Variants in TMEM150B observed in about 807,000 individuals in gnomAD.
TMEM150B encodes modulator of macroautophagy TMEM150B.
TMEM150B carries 33 observed loss-of-function variants against 25.2 expected under a neutral mutation model. That is an observed-to-expected ratio of 1.31 (90% CI 0.99 to 1.75). TMEM150B has a LOEUF of 1.75. Ranked by LOEUF, TMEM150B falls within the 40% of genes most tolerant of loss-of-function variation. The pLI, the probability that TMEM150B is intolerant of heterozygous loss-of-function variation, is 0.00. For synonymous variants in TMEM150B, 133 were observed against 134.8 expected, an observed-to-expected ratio of 0.99 and a Z score of 0.09; for missense variants, 322 against 306.1, an observed-to-expected ratio of 1.05 and a Z score of -0.39.
intron 3 of TMEM150B, 31 bp from the exon 4 acceptor site, chr19:55,320,648 T>C: frequency 1.9e-6 from 3 of 1,598,204 alleles, no homozygotes; most frequent in Non-Finnish European, 2.6e-6. Flanking sequence ...AGTGGGCGAC[T>C]CTCACCAACA....
intron 1 of TMEM150B, among the ~76,000 whole-genome samples, chr19:55,323,988 G>C (rs1183624908): frequency 1.4e-5 from 2 of 140,902 alleles, no homozygotes; most frequent in Non-Finnish European, 3.1e-5. Flanking sequence ...TGCATTTTTT[G>C]ATAAAGACAG....
Position 55,324,118 on chromosome 19 carries a change from A to AT in TMEM150B, c.-154+1153dup, listed in dbSNP as rs531345087. Among the ~76,000 whole-genome samples, 11 of 151,892 alleles carry AT rather than the reference A, an allele frequency of 7.2e-5. No homozygotes were observed. In the South Asian group the frequency reaches 2.3e-3, roughly 32 times the overall value. ...CCATCGCGCCCAACCCGTCTGGTGT[A>AT]TTTTATGCTCAGTGTAATGTTTTTG... On this transcript the variant is annotated intron_variant, in intron 1 of 7. Coordinates refer to ENST00000326652, the MANE Select transcript of TMEM150B (RefSeq NM_001282011.2).
At chr19:55,319,857 C>A in intron 6 of TMEM150B, 182 bp downstream of exon 6, 1 of 1,429,798 alleles carries the variant, frequency 7.0e-7, no homozygotes, top group Non-Finnish European at 9.1e-7. Context: ...CTCGTAGTGC[C>A]CCACTCAGAG....
chr19:55,325,217 G>A, intron 1 of TMEM150B, 55 bp downstream of exon 1: 1 of 949,520 alleles, frequency 1.1e-6, no homozygotes, highest in Non-Finnish European at 1.3e-6. Flanking sequence ...GAGGACAGGG[G>A]ACAGGGCTCC....
At chr19:55,319,857 C>G in intron 6 of TMEM150B, 182 bp downstream of exon 6, 2 of 1,429,800 alleles carry the variant, frequency 1.4e-6, no homozygotes, top group Non-Finnish European at 1.8e-6. Flanking sequence ...CTCGTAGTGC[C>G]CCACTCAGAG....
At chr19:55,317,935 G>A (rs554826400) in intron 6 of TMEM150B, among the ~76,000 whole-genome samples, 43 of 151,172 alleles carry the variant, frequency 2.8e-4, no homozygotes, top group South Asian at 4.2e-4. Flanking sequence ...CCTGGGCAAC[G>A]GAGCAAGATC....
intron 3 of TMEM150B, 110 bp downstream of exon 3, chr19:55,320,859 C>T: frequency 7.3e-7 from 1 of 1,372,306 alleles, no homozygotes; most frequent in East Asian, 2.5e-5. Context: ...CCTCCTCCCT[C>T]AGATCCAGGG....
At chr19:55,318,035 T>C (rs2089064719) in intron 6 of TMEM150B, among the ~76,000 whole-genome samples, 1 of 152,036 alleles carries the variant, frequency 6.6e-6, no homozygotes, top group Non-Finnish European at 1.5e-5. Context: ...GGGAAATGTC[T>C]AAAAATACTC....
chr19:55,320,197 G>C (rs761302746), intron 5 of TMEM150B, 31 bp from the exon 6 acceptor site: 1 of 1,608,718 alleles, frequency 6.2e-7, no homozygotes, highest in Non-Finnish European at 8.5e-7. Flanking sequence ...GAAGTGGGAG[G>C]GAGACCCACC....
chr19:55,319,621 A>G (rs957803283), intron 6 of TMEM150B: 5 of 439,554 alleles, frequency 1.1e-5, no homozygotes, highest in African/African-American at 4.5e-5. Context: ...ATTTTTGTAT[A>G]TTTTAGGAGA....
chr19:55,317,550 C>T (rs763907161), intron 6 of TMEM150B, among the ~76,000 whole-genome samples: 2 of 151,910 alleles, frequency 1.3e-5, no homozygotes, highest in Non-Finnish European at 2.9e-5. Context: ...GAGGCCAAGG[C>T]GGGTAGATCA....
At chr19:55,322,549 AGT>A in intron 2 of TMEM150B, 97 bp downstream of exon 2, 1 of 415,924 alleles carries the variant, frequency 2.4e-6, no homozygotes, top group Non-Finnish European at 3.2e-6. Flanking sequence ...TTCAGTGTTC[AGT>A]CCTAGCTCAC....
In TMEM150B at chr19:55,320,063, G is replaced by T. The variant is rs747477307; in HGVS notation, c.300C>A (p.Gly100=). The change falls in exon 6 of 8, where the codon GGC becomes GGA. Residue 100 remains glycine (G), a synonymous_variant. Transcript: ENST00000326652. ...CCTGGAAATTGCCTACCACGGAGGT[G>T]CCCAGGGCACACAGAAGACCCGTCC... ...ILWTGLLCAL[G]TSVVGNFQEK... The T allele has an allele frequency of 6.2e-7, 1 of 1,614,186 alleles. No individual in the cohort carries two copies.
At chr19:55,319,648 G>T in intron 6 of TMEM150B, 1 of 665,220 alleles carries the variant, frequency 1.5e-6, no homozygotes, top group Non-Finnish European at 1.9e-6. Flanking sequence ...GTTTCACCAT[G>T]TTGGTTGGCC....
rs951125702 is a variant in TMEM150B, at chr19:55,322,655, A to G, written c.-65T>C. ...CCTCCCCAGGATGCTCACCTCTCCAAGCTTCCTGGGGCTCTCAGTCCTGGA... is the reference window on the plus strand; with the variant it reads ...CCTCCCCAGGATGCTCACCTCTCCAGGCTTCCTGGGGCTCTCAGTCCTGGA... On this transcript the variant is annotated 5_prime_UTR_variant, in exon 2 of 8. Transcript: ENST00000326652. 3.0e-6 allele frequency: 3 copies of G among 984,966 alleles called. No homozygotes were observed. The highest frequency in any genetic ancestry group is 9.4e-5 in the South Asian group (2 of 21,258). The allele number at this position is 984,966 out of a possible 1,614,324, so 61.0% of individuals were successfully genotyped here.
In TMEM150B at chr19:55,320,452, G is replaced by T. The variant is rs1407456364; in HGVS notation, c.135C>A (p.Cys45Ter). 6.3e-7 allele frequency: 1 copy of T among 1,592,616 alleles called. No homozygotes were observed. Among genetic ancestry groups the T allele is most frequent in the Non-Finnish European group, 8.6e-7 (1 of 1,168,182 alleles). The change falls in exon 5 of 8, where the codon TGC (cysteine) becomes TGA (stop). Residue 45 changes from cysteine (C) to a stop codon, truncating the protein, a stop_gained. Transcript: ENST00000326652. LOFTEE classifies it high-confidence loss of function. ...TGCAGCTCTGAGGGGGGAAGGATCC[G>T]CAGATGCTGGGGAAGACAAAGGGGT... ...LSKGFPYISI[C>*]GSFPPQSCIF... is the part of the protein sequence containing the mutation.
At chr19:55,315,659 G>A (rs1172953404) in intron 7 of TMEM150B, among the ~76,000 whole-genome samples, 1 of 152,048 alleles carries the variant, frequency 6.6e-6, no homozygotes, top group Non-Finnish European at 1.5e-5. Context: ...TACTCAGGAG[G>A]CTGAGGCAGG....
At chr19:55,324,802 C>G (rs2089293110) in intron 1 of TMEM150B, 1 of 985,298 alleles carries the variant, frequency 1.0e-6, no homozygotes, top group Non-Finnish European at 1.2e-6. Context: ...GCTTCTTTTT[C>G]CGGAGGTCTC....
At chr19:55,320,677 C>T in intron 3 of TMEM150B, 60 bp from the exon 4 acceptor site, 1 of 1,600,316 alleles carries the variant, frequency 6.2e-7, no homozygotes, top group South Asian at 1.1e-5. Context: ...TTCTGTTAAC[C>T]AAACAAACAA....
Sources: allele counts gnomAD v4.1 joint callset (sites outside exome capture counted in the v4.1 genomes callset), GRCh38; gene constraint gnomAD v4.1.1; transcripts MANE v1.5; gene names NCBI Gene and HGNC (gene_info 2026-07-23, HGNC 2026-07-21).